Variants in CCDC93 observed in about 807,000 individuals in gnomAD.
CCDC93 encodes CCC complex scaffolding subunit CCDC93.
In CCDC93, 61 loss-of-function variants were observed where a neutral mutation model predicts 108.2. That is an observed-to-expected ratio of 0.56 (90% CI 0.46 to 0.70). The LOEUF (loss-of-function observed/expected upper bound fraction) is 0.70. Ranked by LOEUF, CCDC93 falls within the 30% of genes least tolerant of loss-of-function variation. CCDC93 has a pLI of 0.00. For synonymous variants in CCDC93, 276 were observed against 260.4 expected (o/e 1.06, Z -0.58); for missense variants, 685 against 764.2 (o/e 0.90, Z 1.22).
intron 10 of CCDC93, among the ~76,000 whole-genome samples, 186 bp from the exon 11 acceptor site, chr2:117,974,180 C>A (rs1679856741): frequency 6.6e-6 from 1 of 152,122 alleles, no homozygotes; most frequent in Admixed American, 6.5e-5. Flanking sequence ...GACAAACACG[C>A]AGCTACCTCC....
Position 117,996,607 on chromosome 2 carries a change from T to C in CCDC93, c.364-245A>G, listed in dbSNP as rs1013991655. 2.0e-5 allele frequency: 7 copies of C among 345,950 alleles called. 1 individual carries two copies. In the South Asian group the frequency reaches 3.3e-4, roughly 16 times the overall value. 21.4% of individuals were successfully genotyped at this position (345,950 alleles called of 1,614,324 possible). A position where few individuals can be genotyped will look rare whatever the true frequency, so the allele number is the denominator to read the frequency against. On this transcript the variant is annotated intron_variant, in intron 4 of 23. Coordinates refer to ENST00000376300, the MANE Select transcript of CCDC93 (RefSeq NM_019044.5). The stretch of plus-strand genomic sequence containing the variant: ...AGCTTTAAAGCCTTACTTCACATCC[T>C]TGAGCCTCAGTTTTCCTTTCTGTAA...
rs757699078 is a variant in CCDC93, at chr2:117,931,002, G to A, written c.1842+35C>T. The A allele has an allele frequency of 1.6e-5, 22 of 1,389,220 alleles. No homozygotes were observed. The Admixed American group carries it at 2.1e-4, about 13-fold the overall frequency. The allele number at this position is 1,389,220 out of a possible 1,614,324, so 86.1% of individuals were successfully genotyped here. On this transcript the variant is annotated intron_variant, in intron 23 of 23. Coordinates refer to ENST00000376300, the MANE Select transcript of CCDC93 (RefSeq NM_019044.5). ...CTTTTGAGGTGAACATATATCTCACGTTAGCCTTAATGTGCTACCCAGCCT... is the reference window on the plus strand; with the variant it reads ...CTTTTGAGGTGAACATATATCTCACATTAGCCTTAATGTGCTACCCAGCCT...
chr2:117,994,073 T>G (rs1680569097), intron 6 of CCDC93, among the ~76,000 whole-genome samples: 1 of 152,168 alleles, frequency 6.6e-6, no homozygotes, highest in Admixed American at 6.5e-5. Context: ...CCTACATTGG[T>G]AAGTGAAAAA....
intron 17 of CCDC93, among the ~76,000 whole-genome samples, chr2:117,944,450 GT>G: frequency 6.6e-6 from 1 of 152,270 alleles, no homozygotes; most frequent in East Asian, 1.9e-4. Context: ...AGTTTTCTAT[GT>G]TTCTACTTAG....
chr2:117,990,313 G>A (rs79752089), intron 6 of CCDC93, among the ~76,000 whole-genome samples: 65 of 152,340 alleles, frequency 4.3e-4, no homozygotes, highest in Non-Finnish European at 8.1e-4. Context: ...TGTTGGGCAG[G>A]CCTTCTACAA....
chr2:118,009,442 G>C (rs1339064968), intron 1 of CCDC93, among the ~76,000 whole-genome samples: 1 of 151,956 alleles, frequency 6.6e-6, no homozygotes, highest in Non-Finnish European at 1.5e-5. Context: ...CCAAGTGGGG[G>C]TGCCGATCAC....
At chr2:117,973,259 G>C (rs2104779579) in intron 11 of CCDC93, among the ~76,000 whole-genome samples, 1 of 152,180 alleles carries the variant, frequency 6.6e-6, no homozygotes. Flanking sequence ...ACATTTTAGG[G>C]GGACAGGGCT....
chr2:117,981,064 T>C (rs1680103126), intron 7 of CCDC93, among the ~76,000 whole-genome samples: 1 of 152,252 alleles, frequency 6.6e-6, no homozygotes, highest in South Asian at 2.1e-4. Flanking sequence ...TATCCCATTA[T>C]ATGAGTAAGC....
chr2:117,973,512 T>C (rs1679833386), intron 11 of CCDC93, among the ~76,000 whole-genome samples: 1 of 152,146 alleles, frequency 6.6e-6, no homozygotes, highest in African/African-American at 2.4e-5. Flanking sequence ...GCCTCGGGTT[T>C]GGCTGAGTTA....
At chr2:117,951,022 G>T (rs1392136380) in intron 13 of CCDC93, 1 of 983,318 alleles carries the variant, frequency 1.0e-6, no homozygotes, top group Non-Finnish European at 1.2e-6. Context: ...TCTATAACAT[G>T]AAAAGGGCTC....
intron 6 of CCDC93, among the ~76,000 whole-genome samples, chr2:117,989,312 A>G (rs570775479): frequency 1.3e-5 from 2 of 152,180 alleles, no homozygotes; most frequent in African/African-American, 4.8e-5. Context: ...AGCCTCCTCT[A>G]TGATCTTGGA....
At chr2:117,923,702 G>T (rs890570439) in intron 23 of CCDC93, among the ~76,000 whole-genome samples, 1 of 68 alleles carries the variant, frequency 0.015, no homozygotes, top group Non-Finnish European at 0.036. Context: ...TCCACCTCTG[G>T]GGGCAGGCAT....
chr2:117,944,160 A>T (rs1678796205), intron 17 of CCDC93, 74 bp from the exon 18 acceptor site: 2 of 1,099,910 alleles, frequency 1.8e-6, no homozygotes, highest in Admixed American at 2.4e-5. Flanking sequence ...TTGAAAGTTG[A>T]ATATGTTTTT....
At position 117,935,369 on chromosome 2, in the gene CCDC93, T is replaced by C. The variant is rs1238267731; in HGVS notation, c.1728+126A>G. 7 of 685,692 alleles carry C rather than the reference T, an allele frequency of 1.0e-5. No homozygotes were observed. In the East Asian group the frequency reaches 1.1e-4, roughly 10 times the overall value. The allele number at this position is 685,692 out of a possible 1,614,324, so 42.5% of individuals were successfully genotyped here. A position where few individuals can be genotyped will look rare whatever the true frequency, so the allele number is the denominator to read the frequency against. On this transcript the variant is annotated intron_variant, in intron 22 of 23. Coordinates refer to ENST00000376300, the MANE Select transcript of CCDC93 (RefSeq NM_019044.5). ...AAGACGCATGGTGGGAATACCTCTGTAGAAATGTGTCTTTTCAGGATTGAG... is the reference window on the plus strand; with the variant it reads ...AAGACGCATGGTGGGAATACCTCTGCAGAAATGTGTCTTTTCAGGATTGAG...
chr2:117,931,372 ATT>A, intron 22 of CCDC93: 2 of 403,144 alleles, frequency 5.0e-6, no homozygotes, highest in Non-Finnish European at 8.9e-6. Context: ...AACTGTTTCC[ATT>A]TTTTTTTCTC....
intron 13 of CCDC93, chr2:117,950,920 C>T (rs555492201): frequency 1.6e-4 from 153 of 985,382 alleles, no homozygotes; most frequent in Non-Finnish European, 1.7e-4. Flanking sequence ...AAAGGAACGA[C>T]GACTGCAGGA....
chr2:117,926,363 G>A (rs1386474822), intron 23 of CCDC93, among the ~76,000 whole-genome samples: 4 of 151,296 alleles, frequency 2.6e-5, no homozygotes, highest in African/African-American at 4.8e-5. Context: ...AAAATTGATA[G>A]ACTGCTAGCA....
intron 19 of CCDC93, 91 bp downstream of exon 19, chr2:117,941,098 T>C (rs558468133): frequency 3.3e-4 from 298 of 892,492 alleles, no homozygotes; most frequent in Non-Finnish European, 4.8e-4. Flanking sequence ...TGGACTGTGC[T>C]CTGGTGCATG....
At position 117,920,350 on chromosome 2, in the gene CCDC93, G is replaced by A. The variant is rs1403822473; in HGVS notation, c.1889C>T (p.Ala630Val). The A allele has an allele frequency of 6.2e-7, 1 of 1,612,242 alleles. No individual in the cohort carries two copies. The highest frequency in any genetic ancestry group is 8.5e-7 in the Non-Finnish European group (1 of 1,178,532). The change falls in exon 24 of 24, where the codon GCC becomes GTC. Residue 630 changes from alanine to valine, a missense_variant. Ala to Val is a moderately conservative substitution (Grantham distance 64, BLOSUM62 0). Transcript: ENST00000376300. ...AGCCACGGCTGGGGATGTTCAGGAG[G>A]CCTTCGCTTTCACCTTGGACAGCAG... Reference protein sequence around the residue: ...EMLLSKVKAKAS With the variant: ...EMLLSKVKAKVS
Sources: gnomAD v4.1 joint callset for allele counts (sites outside exome capture counted in the v4.1 genomes callset) on GRCh38, gnomAD v4.1.1 for gene constraint, MANE v1.5 for transcripts, NCBI Gene and HGNC (gene_info 2026-07-23, HGNC 2026-07-21) for gene names.